MED13: variants seen among roughly 807,000 people sequenced by gnomAD.
MED13 encodes mediator complex subunit 13.
In MED13, 23 loss-of-function variants were observed where a neutral mutation model predicts 225.2. The observed-to-expected ratio is 0.10, with a 90% CI of 0.07 to 0.14. MED13 has a LOEUF of 0.14. MED13 is among the 10% of genes least tolerant of loss of function. MED13 has a pLI of 1.00. For missense variants in MED13, 2,197 were observed against 2,594.5 expected, an observed-to-expected ratio of 0.85 and a Z score of 3.33; for synonymous variants, 942 against 889.2, an observed-to-expected ratio of 1.06 and a Z score of -1.06.
At chr17:61,997,594 T>C (rs2080357152) in intron 9 of MED13, among the ~76,000 whole-genome samples, 1 of 152,176 alleles carries the variant, frequency 6.6e-6, no homozygotes, top group South Asian at 2.1e-4. Flanking sequence ...AAGCAAAGGG[T>C]ATTATCCCTG....
At chr17:62,052,813 C>A in intron 2 of MED13, 108 bp from the exon 3 acceptor site, 1 of 660,240 alleles carries the variant, frequency 1.5e-6, no homozygotes, top group Non-Finnish European at 2.3e-6. Flanking sequence ...CTAGCTTACC[C>A]CAGAATATTA....
At position 62,016,165 on chromosome 17, in the gene MED13, C is replaced by A. The variant is rs191151337; in HGVS notation, c.1284-4932G>T. 2.9e-3 allele frequency among the ~76,000 whole-genome samples: 416 copies of A among 143,338 alleles called. 2 individuals carry two copies. Among genetic ancestry groups the A allele is most frequent in the African/African-American group, 0.01 (388 of 37,338 alleles). The allele number at this position is 143,338 out of a possible 152,430, so 94.0% of individuals were successfully genotyped here. On this transcript the variant is annotated intron_variant, in intron 8 of 29. Transcript: ENST00000397786. ...GAAATTTGTTCAAAAACACAAAAAA[C>A]CAAGAACAACAACAAAAAAAAAAAC...
rs147189111 is a variant in MED13, at chr17:61,942,720, G to A, written c.*3748C>T. 3 of 151,354 alleles carry A rather than the reference G, an allele frequency of 2.0e-5. No homozygotes were observed. The East Asian group carries it at 5.8e-4, about 29-fold the overall frequency. 9.4% of individuals were successfully genotyped at this position (151,354 alleles called of 1,614,324 possible). On this transcript the variant is annotated 3_prime_UTR_variant, in exon 30 of 30. Coordinates refer to ENST00000397786, the MANE Select transcript of MED13 (RefSeq NM_005121.3). The stretch of plus-strand genomic sequence containing the variant: ...TCAATCACAATTTGTACAACTCAGT[G>A]TTATGGCATTCGGCAGCAATAGTGT...
Position 62,037,955 on chromosome 17 carries a change from C to CAAAAAAAAAAAA in MED13, c.471-2359_471-2348dup, listed in dbSNP as rs397857634. Among the ~76,000 whole-genome samples, 15 of 64,758 alleles carry CAAAAAAAAAAAA rather than the reference C, an allele frequency of 2.3e-4. 1 individual carries two copies. The highest frequency in any genetic ancestry group is 2.8e-4 in the Non-Finnish European group (9 of 31,824). 42.5% of individuals were successfully genotyped at this position (64,758 alleles called of 152,430 possible). On this transcript the variant is annotated intron_variant, in intron 3 of 29. Coordinates refer to ENST00000397786, the MANE Select transcript of MED13 (RefSeq NM_005121.3). ...TGGGCAACAGAGTGAGACTTCATCT[C>CAAAAAAAAAAAA]AAAAAAAAAAAAAAAAAAAAAAAAA...
At position 62,047,995 on chromosome 17, in the gene MED13, G is replaced by A. The variant is rs2080913196; in HGVS notation, c.470+4542C>T. Among the ~76,000 whole-genome samples, 5 of 147,530 alleles carry A rather than the reference G, an allele frequency of 3.4e-5. No homozygotes were observed. In the South Asian group the frequency reaches 1.1e-3, roughly 31 times the overall value. Reference sequence around the variant, plus strand: ...CACAGAATCCCAGAAAGGCTCAGAAGTTGAAGGTACTGGTATATATACATA... The same window carrying A: ...CACAGAATCCCAGAAAGGCTCAGAAATTGAAGGTACTGGTATATATACATA... On this transcript the variant is annotated intron_variant, in intron 3 of 29. Coordinates refer to ENST00000397786, the MANE Select transcript of MED13 (RefSeq NM_005121.3).
Position 61,982,313 on chromosome 17 carries a change from A to ATTG in MED13, c.3687_3689dup (p.Asn1230dup), listed in dbSNP as rs763114307. 3.1e-6 allele frequency: 5 copies of ATTG among 1,614,238 alleles called. No individual in the cohort carries two copies. Among genetic ancestry groups the ATTG allele is most frequent in the Non-Finnish European group, 4.2e-6 (5 of 1,180,032 alleles). ...CATGTTCTAATGCAAGGTAGCAGTC[A>ATTG]TTGCAACAGTCACGCTCTTCAACAC... On this transcript the variant is annotated inframe_insertion, in exon 16 of 30. Transcript: ENST00000397786.
chr17:61,951,888 G>A (rs1270579328), intron 27 of MED13, among the ~76,000 whole-genome samples: 1 of 152,056 alleles, frequency 6.6e-6, no homozygotes, highest in Non-Finnish European at 1.5e-5. Context: ...CAAATCACCA[G>A]TATATATAAT....
intron 22 of MED13, among the ~76,000 whole-genome samples, 157 bp from the exon 23 acceptor site, chr17:61,961,247 G>A (rs1328953152): frequency 6.6e-6 from 1 of 152,076 alleles, no homozygotes; most frequent in Non-Finnish European, 1.5e-5. Flanking sequence ...TAAAAATGTT[G>A]GCAGGGCACG....
intron 3 of MED13, among the ~76,000 whole-genome samples, chr17:62,048,079 T>C (rs2080918330): frequency 6.8e-6 from 1 of 147,062 alleles, no homozygotes. Context: ...TATGTATATA[T>C]ATATCCCTGA....
intron 2 of MED13, among the ~76,000 whole-genome samples, chr17:62,061,399 C>T (rs2081038053): frequency 6.6e-6 from 1 of 152,018 alleles, no homozygotes; most frequent in South Asian, 2.1e-4. Flanking sequence ...TTATGTATCT[C>T]TTAAAATTAT....
chr17:61,975,775 G>A (rs1318243414), intron 16 of MED13, among the ~76,000 whole-genome samples: 1 of 152,146 alleles, frequency 6.6e-6, no homozygotes, highest in Non-Finnish European at 1.5e-5. Context: ...CAGCACTTTG[G>A]GAGGCCGAGG....
At chr17:62,022,573 T>C (rs1310699292) in intron 8 of MED13, among the ~76,000 whole-genome samples, 2 of 151,512 alleles carry the variant, frequency 1.3e-5, no homozygotes, top group Non-Finnish European at 1.5e-5. Flanking sequence ...CCTCCCAAAC[T>C]GCTGGGATTA....
In MED13 at chr17:61,987,099, G is replaced by A; in HGVS notation, c.2293C>T (p.Pro765Ser). 6.2e-7 allele frequency: 1 copy of A among 1,608,714 alleles called. No individual in the cohort carries two copies. The highest frequency in any genetic ancestry group is 8.5e-7 in the Non-Finnish European group (1 of 1,176,882). ...DAPRPTSHAR[P>S]PSTSLIYDSD... ...TCATAAATCAAACTTGTTGATGGAG[G>A]ACGGGCATGACTAGTAGGGCGTGGA... The change falls in exon 12 of 30, where the codon CCT becomes TCT. Residue 765 changes from proline (P) to serine (S), a missense_variant. By Grantham distance (74) the Pro-to-Ser change is moderately conservative (BLOSUM62 -1). This residue lies in a region of MED13 where 884 missense variants were observed against 918.5 expected (regional missense o/e 0.96). Transcript: ENST00000397786.
chr17:61,966,680 T>C (rs1216138939), intron 18 of MED13, 29 bp from the exon 19 acceptor site: 2 of 1,447,488 alleles, frequency 1.4e-6, no homozygotes. Flanking sequence ...AAAGCAGAAT[T>C]AGTAAATTTA....
At chr17:61,967,498 G>A (rs2080069237) in intron 18 of MED13, among the ~76,000 whole-genome samples, 1 of 152,148 alleles carries the variant, frequency 6.6e-6, no homozygotes, top group Non-Finnish European at 1.5e-5. Flanking sequence ...GTGGAAAAAG[G>A]AGGGAATAAT....
intron 10 of MED13, 24 bp from the exon 11 acceptor site, chr17:61,992,645 G>A (rs1408042238): frequency 6.8e-7 from 1 of 1,479,004 alleles, no homozygotes; most frequent in South Asian, 1.2e-5. Flanking sequence ...TTTCATGTTA[G>A]GCTGAAATAT....
intron 13 of MED13, 46 bp from the exon 14 acceptor site, chr17:61,984,911 G>A (rs772831387): frequency 8.8e-6 from 14 of 1,590,348 alleles, no homozygotes; most frequent in Admixed American, 7.0e-5. Flanking sequence ...AAAAATAGGC[G>A]AATCTGTGTT....
chr17:62,038,103 A>G (rs913093948), intron 3 of MED13, among the ~76,000 whole-genome samples: 1 of 152,158 alleles, frequency 6.6e-6, no homozygotes, highest in African/African-American at 2.4e-5. Flanking sequence ...ATGAAATATT[A>G]AATAAGAGAA....
At chr17:62,009,566 TAAG>T (rs2080486568) in intron 9 of MED13, among the ~76,000 whole-genome samples, 2 of 152,192 alleles carry the variant, frequency 1.3e-5, no homozygotes, top group Admixed American at 6.5e-5. Context: ...TTAAATCTTG[TAAG>T]ACCAACTATA....
Sources: allele counts gnomAD v4.1 joint callset (sites outside exome capture counted in the v4.1 genomes callset), GRCh38; gene constraint gnomAD v4.1.1; regional missense constraint gnomAD v4.1.1; transcripts MANE v1.5; gene names NCBI Gene and HGNC (gene_info 2026-07-23, HGNC 2026-07-21).